The following BFSP1 variants were observed in gnomAD, a reference collection of about 807,000 sequenced individuals.
BFSP1 encodes the protein beaded filament structural protein 1, also known as filensin.
A neutral mutation model predicts 43.9 loss-of-function variants in BFSP1; 38 were observed. The observed-to-expected ratio is 0.87, with a 90% CI of 0.67 to 1.14. The LOEUF (loss-of-function observed/expected upper bound fraction) is 1.14, where lower values mean the gene tolerates loss of function less well. BFSP1 is among the 50% of genes most tolerant of loss of function. The probability of loss-of-function intolerance (pLI) is 0.00; values close to 1 mark genes in which losing one functional copy is unlikely to be tolerated. For missense variants in BFSP1, 850 were observed against 875.1 expected (o/e 0.97, Z 0.36); for synonymous variants, 352 against 354.8 (o/e 0.99, Z 0.09).
At chr20:17,546,973 G>A (rs2034811910) in intron 1 of BFSP1, among the ~76,000 whole-genome samples, 1 of 144,786 alleles carries the variant, frequency 6.9e-6, no homozygotes, top group Admixed American at 7.2e-5. Context: ...GCAGTGAGCT[G>A]AGATCATGCC....
In BFSP1 at chr20:17,511,928, A is replaced by G. The variant is rs756256416; in HGVS notation, c.627+48T>C. The G allele has an allele frequency of 5.9e-5, 89 of 1,511,890 alleles. No homozygotes were observed. In the Middle Eastern group the frequency reaches 7.8e-4, roughly 13 times the overall value. The allele number at this position is 1,511,890 out of a possible 1,614,324, so 93.7% of individuals were successfully genotyped here. A position where few individuals can be genotyped will look rare whatever the true frequency, so the allele number is the denominator to read the frequency against. ...AGCCCTTCCCTGGGAGTCTCCAGGT[A>G]CAGCTTCCCTCCAGGGCTGGTTTGC... is the stretch of plus-strand genomic sequence containing the variant. On this transcript the variant is annotated intron_variant, in intron 4 of 7. Transcript: ENST00000377873.
intron 1 of BFSP1, among the ~76,000 whole-genome samples, chr20:17,543,223 G>A (rs967832224): frequency 2.6e-5 from 4 of 152,282 alleles, no homozygotes; most frequent in East Asian, 1.9e-4. Flanking sequence ...CAACAGTGGC[G>A]GTAAGCAGAG....
chr20:17,553,776 C>CATATATATAT lies in BFSP1; in HGVS notation c.2+4902_2+4911dup, dbSNP rs1204969085. 2.7e-3 allele frequency among the ~76,000 whole-genome samples: 285 copies of CATATATATAT among 105,822 alleles called. 5 individuals carry two copies. The highest frequency in any genetic ancestry group is 0.012 in the African/African-American group (256 of 21,032). The allele number at this position is 105,822 out of a possible 152,430, so 69.4% of individuals were successfully genotyped here. ...AAAAGACCTGTTAAAAATATATAAA[C>CATATATATAT]ATATATATATATATATATACACACA... On this transcript the variant is annotated intron_variant, in intron 1 of 7. Coordinates refer to the BFSP1 transcript ENST00000377868.
rs548653672 is a variant in BFSP1, at chr20:17,504,156, G to T, written c.735+4733C>A. Among the ~76,000 whole-genome samples the T allele has an allele frequency of 2.4e-4, 37 of 152,178 alleles. 1 individual carries two copies. The South Asian group carries it at 7.5e-3, about 31-fold the overall frequency. On this transcript the variant is annotated intron_variant, in intron 5 of 7. Transcript: ENST00000377873. ...TGCGGGAGGAGCTCCTGTCCTGGGC[G>T]CCCCCACAGCCCCCATCCCCCACAT...
Position 17,525,055 on chromosome 20 carries a change from C to A in BFSP1, c.378-147G>T. 1.4e-6 allele frequency: 1 copy of A among 715,536 alleles called. No individual in the cohort carries two copies. Among genetic ancestry groups the A allele is most frequent in the Non-Finnish European group, 2.5e-6 (1 of 406,256 alleles). The allele number at this position is 715,536 out of a possible 1,614,324, so 44.3% of individuals were successfully genotyped here. On this transcript the variant is annotated intron_variant, in intron 1 of 7. Transcript: ENST00000377873. This position sits in a 1 kb window ranked among gnomAD's most constrained non-coding sequence, Gnocchi z 4.2. ...ATTTTAAAGTAGTAGCTAACGAATG[C>A]TGCATTTCCTAGCTGACTGCCTCCC... is the stretch of plus-strand genomic sequence containing the variant.
In BFSP1 at chr20:17,494,902, TG is replaced by T. The variant is rs752093667; in HGVS notation, c.1169del (p.Pro390HisfsTer2). 31 of 1,614,130 alleles carry T rather than the reference TG, an allele frequency of 1.9e-5. No homozygotes were observed. Among genetic ancestry groups the T allele is most frequent in the Non-Finnish European group, 2.6e-5 (31 of 1,180,050 alleles). On this transcript the variant is annotated frameshift_variant, in exon 8 of 8. Coordinates refer to ENST00000377873, the MANE Select transcript of BFSP1 (RefSeq NM_001195.5). LOFTEE classifies it low-confidence loss of function (END_TRUNC). ...GCTTTGTGTCTTCCAAACCTTTTAA[TG>T]GTGCATCTTCCAGAGCTCCGTTGGT... ...DKTNGALEDA[P>X]LKGLEDTKLV...
At chr20:17,515,635 C>T in intron 2 of BFSP1, among the ~76,000 whole-genome samples, 1 of 152,172 alleles carries the variant, frequency 6.6e-6, no homozygotes, top group East Asian at 1.9e-4. Context: ...ATTATTCATG[C>T]TCTTAATAAG....
chr20:17,567,471 A>G (rs1444135962), intron 1 of BFSP1, among the ~76,000 whole-genome samples: 1 of 152,192 alleles, frequency 6.6e-6, no homozygotes, highest in Non-Finnish European at 1.5e-5. Context: ...CTCAAAGTAT[A>G]GCATCTGCAT....
At position 17,517,520 on chromosome 20, in the gene BFSP1, G is replaced by A. The variant is rs555245640; in HGVS notation, c.439-2704C>T. ...GCTGGTCTTGAACTCCTGACCTCAG[G>A]TGATCCACCCACCGTGGCCTCCCAA... On this transcript the variant is annotated intron_variant, in intron 2 of 7. Coordinates refer to ENST00000377873, the MANE Select transcript of BFSP1 (RefSeq NM_001195.5). Among the ~76,000 whole-genome samples, 9 of 152,276 alleles carry A rather than the reference G, an allele frequency of 5.9e-5. No individual in the cohort carries two copies. The East Asian group carries it at 7.7e-4, about 13-fold the overall frequency.
In BFSP1 at chr20:17,494,470, T is replaced by C. The variant is rs185730111; in HGVS notation, c.1602A>G (p.Gly534=). 5.6e-6 allele frequency: 9 copies of C among 1,614,204 alleles called. No homozygotes were observed. The highest frequency in any genetic ancestry group is 3.3e-4 in the Middle Eastern group (2 of 6,062). The change falls in exon 8 of 8, where the codon GGA becomes GGG. Residue 534 remains glycine (G), a synonymous_variant. Transcript: ENST00000377873. The part of the protein sequence containing the change: ...GQVGLQEKED[G]QPIDQQPIDK... Reference sequence around the variant, plus strand: ...CTATAGGCTGCTGGTCAATTGGTTGTCCATCTTCTTTCTCCTGCAGACCCA... The same window carrying C: ...CTATAGGCTGCTGGTCAATTGGTTGCCCATCTTCTTTCTCCTGCAGACCCA...
intron 2 of BFSP1, 64 bp downstream of exon 2, chr20:17,524,784 A>C: frequency 6.5e-7 from 1 of 1,542,850 alleles, no homozygotes; most frequent in South Asian, 1.1e-5. Context: ...TAAAACCTGC[A>C]CTTCCACCAT....
chr20:17,511,138 T>C (rs1039153076), intron 4 of BFSP1, among the ~76,000 whole-genome samples: 1 of 152,198 alleles, frequency 6.6e-6, no homozygotes, highest in African/African-American at 2.4e-5. Flanking sequence ...TATATCATGC[T>C]ATGCATCACA....
intron 1 of BFSP1, among the ~76,000 whole-genome samples, chr20:17,537,847 G>A (rs1029031322): frequency 1.3e-5 from 2 of 152,152 alleles, no homozygotes; most frequent in African/African-American, 4.8e-5. Flanking sequence ...GCTGGGTGCT[G>A]TGGCTCACCC....
chr20:17,507,952 C>T lies in BFSP1; in HGVS notation c.735+937G>A, dbSNP rs1315895656. 6.6e-6 allele frequency among the ~76,000 whole-genome samples: 1 copy of T among 152,068 alleles called. No individual in the cohort carries two copies. The highest frequency in any genetic ancestry group is 1.5e-5 in the Non-Finnish European group (1 of 68,028). On this transcript the variant is annotated intron_variant, in intron 5 of 7. Transcript: ENST00000377873. The surrounding 1 kb of genome is among the most constrained non-coding windows in gnomAD (Gnocchi z 4.4). ...GAACTCCAAGGTCCCAAAATGAAAT[C>T]CTGAGCAGACATGGGGGCACTGGAA...
At chr20:17,545,272 A>G (rs2034781378) in intron 1 of BFSP1, among the ~76,000 whole-genome samples, 3 of 152,180 alleles carry the variant, frequency 2.0e-5, no homozygotes, top group Admixed American at 6.5e-5. Context: ...GGCTGGACGA[A>G]GCACAGGAGA....
intron 1 of BFSP1, among the ~76,000 whole-genome samples, chr20:17,549,131 C>G (rs765371377): frequency 7.2e-5 from 11 of 152,166 alleles, no homozygotes; most frequent in Non-Finnish European, 1.6e-4. Context: ...TTTTGCAGCA[C>G]TTGATCTTGG....
At chr20:17,565,060 GA>G (rs113278870) in intron 1 of BFSP1, among the ~76,000 whole-genome samples, 71 of 146,682 alleles carry the variant, frequency 4.8e-4, no homozygotes, top group African/African-American at 9.3e-4. Context: ...AACAAAGTAA[GA>G]AAAAAAAAAT....
At chr20:17,496,824 G>C in intron 7 of BFSP1, 114 bp downstream of exon 7, 1 of 947,002 alleles carries the variant, frequency 1.1e-6, no homozygotes, top group Admixed American at 3.6e-5. Context: ...TCACATAAAA[G>C]CATTTAATTT....
intron 1 of BFSP1, among the ~76,000 whole-genome samples, chr20:17,557,014 G>A (rs983077266): frequency 6.6e-6 from 1 of 152,130 alleles, no homozygotes; most frequent in Non-Finnish European, 1.5e-5. Context: ...GGCAGCCAGC[G>A]AGGTGATCTT....
Sources: allele counts gnomAD v4.1 joint callset (sites outside exome capture counted in the v4.1 genomes callset), GRCh38; gene constraint gnomAD v4.1.1; non-coding constraint Gnocchi (gnomAD v3.1); transcripts MANE v1.5; gene names NCBI Gene and HGNC (gene_info 2026-07-23, HGNC 2026-07-21).